The following DEPDC5 variants were observed in gnomAD, a reference collection of about 807,000 sequenced individuals.
DEPDC5 encodes GATOR1 complex protein DEPDC5.
DEPDC5 carries 73 observed loss-of-function variants against 217.3 expected under a neutral mutation model. That is an observed-to-expected ratio of 0.34 (90% CI 0.28 to 0.41). The LOEUF is 0.41. Among genes scored for constraint, DEPDC5 ranks in the 10% least tolerant of loss-of-function variants. The pLI is 1.00. For missense variants in DEPDC5, 1,675 were observed against 2,070.1 expected (o/e 0.81, Z 3.70); for synonymous variants, 733 against 756.7 (o/e 0.97, Z 0.51).
chr22:31,822,418 C>T (rs1384786423), intron 23 of DEPDC5, among the ~76,000 whole-genome samples: 1 of 151,996 alleles, frequency 6.6e-6, no homozygotes, highest in Non-Finnish European at 1.5e-5. Context: ...CATAGGGAGG[C>T]ATAGGGAGGC....
chr22:31,879,227 CA>C (rs2093107298), intron 37 of DEPDC5, among the ~76,000 whole-genome samples: 1 of 151,596 alleles, frequency 6.6e-6, no homozygotes, highest in South Asian at 2.1e-4. Flanking sequence ...CAGTGTTGTA[CA>C]ACTATCATGT....
At chr22:31,871,920 C>T (rs2092855885) in intron 34 of DEPDC5, among the ~76,000 whole-genome samples, 1 of 152,234 alleles carries the variant, frequency 6.6e-6, no homozygotes, top group Non-Finnish European at 1.5e-5. Flanking sequence ...ACAGATAGGA[C>T]AGCCTCTTGC....
At chr22:31,761,326 T>G (rs1200388220) in intron 4 of DEPDC5, among the ~76,000 whole-genome samples, 2 of 152,154 alleles carry the variant, frequency 1.3e-5, no homozygotes, top group African/African-American at 4.8e-5. Flanking sequence ...TGTCCTTGTT[T>G]TTGGAGTCCC....
chr22:31,804,308 T>TA (rs1225864831), intron 16 of DEPDC5, 85 bp downstream of exon 16: 1 of 1,315,528 alleles, frequency 7.6e-7, no homozygotes, highest in South Asian at 1.2e-5. Flanking sequence ...GGCATGCACT[T>TA]ATAGTCCCAC....
At chr22:31,874,926 G>A (rs1411490068) in intron 36 of DEPDC5, among the ~76,000 whole-genome samples, 1 of 152,152 alleles carries the variant, frequency 6.6e-6, no homozygotes, top group Non-Finnish European at 1.5e-5. Flanking sequence ...ACCAGTGCCA[G>A]GCATGTTGCT....
chr22:31,905,290 C>G (rs1002626557), intron 41 of DEPDC5, among the ~76,000 whole-genome samples: 1 of 150,730 alleles, frequency 6.6e-6, no homozygotes. Flanking sequence ...TCAAGTGATT[C>G]TCCTGGCTAA....
chr22:31,783,505 T>A (rs2084674197), intron 8 of DEPDC5, among the ~76,000 whole-genome samples: 2 of 151,990 alleles, frequency 1.3e-5, no homozygotes, highest in South Asian at 4.2e-4. Flanking sequence ...TACAAAAAAA[T>A]ACAAAAATTT....
chr22:31,814,818 C>T, intron 20 of DEPDC5, 174 bp from the exon 21 acceptor site: 2 of 626,808 alleles, frequency 3.2e-6, no homozygotes, highest in Non-Finnish European at 5.6e-6. Flanking sequence ...TCTTATATAA[C>T]ATCTCAAGCT....
chr22:31,855,523 C>T (rs983040763), intron 31 of DEPDC5, among the ~76,000 whole-genome samples: 3 of 151,632 alleles, frequency 2.0e-5, no homozygotes, highest in Non-Finnish European at 2.9e-5. Flanking sequence ...ACTACAGGCG[C>T]CCGCCACAAC....
intron 33 of DEPDC5, among the ~76,000 whole-genome samples, chr22:31,863,573 A>G (rs941592340): frequency 2.0e-5 from 3 of 152,210 alleles, no homozygotes; most frequent in African/African-American, 7.2e-5. Flanking sequence ...AAAGGCAGGA[A>G]GTGAGGTGGG....
At chr22:31,763,859 A>T (rs1021094136) in intron 4 of DEPDC5, among the ~76,000 whole-genome samples, 2 of 152,124 alleles carry the variant, frequency 1.3e-5, no homozygotes, top group African/African-American at 2.4e-5. Context: ...AAAAAAATTT[A>T]AAGTTTTCAT....
At position 31,879,717 on chromosome 22, in the gene DEPDC5, G is replaced by A. The variant is rs1306325390; in HGVS notation, c.3998G>A (p.Ser1333Asn). ...AGTAGGCACAGCTCCTTTAGCCGAA[G>A]TTTTGGAGGACGGAGCCAGGCGGCA... ...YASRHSSFSR[S>N]FGGRSQAAAL... is the part of the protein sequence containing the mutation. Residue 1333 changes from serine (S) to asparagine (N), a missense_variant, in exon 38 of 43, where the codon AGT (serine) becomes AAT (asparagine). Transcript: ENST00000651528. 2 of 1,614,166 alleles carry A rather than the reference G, an allele frequency of 1.2e-6. No homozygotes were observed. The highest frequency in any genetic ancestry group is 8.5e-7 in the Non-Finnish European group (1 of 1,180,038).
chr22:31,895,180 G>T (rs1439049218), intron 39 of DEPDC5, among the ~76,000 whole-genome samples: 2 of 151,856 alleles, frequency 1.3e-5, no homozygotes, highest in Non-Finnish European at 2.9e-5. Context: ...AAAGAAAGGG[G>T]TGAGGGCAGG....
At chr22:31,777,427 A>AT (rs35822414) in intron 7 of DEPDC5, among the ~76,000 whole-genome samples, 27,392 of 144,196 alleles carry the variant, frequency 0.19, 4,121 homozygotes, top group African/African-American at 0.43. Flanking sequence ...CGCCCAGCTA[A>AT]TTTTTTTTTT....
chr22:31,873,363 A>G, intron 35 of DEPDC5, 31 bp downstream of exon 35: 1 of 1,604,108 alleles, frequency 6.2e-7, no homozygotes, highest in Non-Finnish European at 8.5e-7. Flanking sequence ...TAGGGTTGGA[A>G]GGTTCCCAGA....
intron 32 of DEPDC5, chr22:31,857,767 G>A (rs886929393): frequency 6.1e-5 from 27 of 445,500 alleles, no homozygotes; most frequent in Middle Eastern, 1.1e-3. Context: ...AGTTAAATCC[G>A]GATATAAAAC....
chr22:31,778,055 G>A, intron 7 of DEPDC5, 44 bp from the exon 8 acceptor site: 1 of 1,608,144 alleles, frequency 6.2e-7, no homozygotes, highest in Non-Finnish European at 8.5e-7. Flanking sequence ...GCATGTATTG[G>A]TTTCATGTAA....
At chr22:31,884,595 A>C (rs1430434284) in intron 38 of DEPDC5, among the ~76,000 whole-genome samples, 1 of 152,114 alleles carries the variant, frequency 6.6e-6, no homozygotes, top group Non-Finnish European at 1.5e-5. Flanking sequence ...TCAGCAACCT[A>C]ATCTTTTAAT....
At position 31,866,607 on chromosome 22, in the gene DEPDC5, A is replaced by G. The variant is rs181186609; in HGVS notation, c.3331-3983A>G. Among the ~76,000 whole-genome samples, 12 of 152,298 alleles carry G rather than the reference A, an allele frequency of 7.9e-5. 1 individual carries two copies. The highest frequency in any genetic ancestry group is 1.9e-4 in the East Asian group (1 of 5,182). On this transcript the variant is annotated intron_variant, in intron 33 of 42. Transcript: ENST00000651528. Reference sequence around the variant, plus strand: ...CACCATGTTGGCCAGGATGGTCTCCATCTCCTGACCTTGTGATCCGCCCAC... The same window carrying G: ...CACCATGTTGGCCAGGATGGTCTCCGTCTCCTGACCTTGTGATCCGCCCAC...
Sources: allele counts gnomAD v4.1 joint callset (sites outside exome capture counted in the v4.1 genomes callset), GRCh38; gene constraint gnomAD v4.1.1; transcripts MANE v1.5; gene names NCBI Gene and HGNC (gene_info 2026-07-23, HGNC 2026-07-21).